FRYL: variants seen among roughly 807,000 people sequenced by gnomAD.
FRYL encodes the protein protein furry homolog-like.
FRYL carries 150 observed loss-of-function variants against 351.2 expected under a neutral mutation model. That is an observed-to-expected ratio of 0.43 (90% confidence interval 0.37 to 0.49). The LOEUF (loss-of-function observed/expected upper bound fraction) is 0.49. Among genes scored for constraint, FRYL ranks in the 20% least tolerant of loss-of-function variants. The pLI is 0.00. For synonymous variants in FRYL, 1,153 were observed against 1,257.1 expected (o/e 0.92, Z 1.75); for missense variants, 3,036 against 3,619.3 (o/e 0.84, Z 4.13).
chr4:48,538,726 T>C (rs1184472731), intron 47 of FRYL, among the ~76,000 whole-genome samples: 1 of 152,136 alleles, frequency 6.6e-6, no homozygotes, highest in Non-Finnish European at 1.5e-5. Flanking sequence ...TCCTTTTTTT[T>C]TTTCTCCTGG....
At chr4:48,676,634 G>A (rs1263846795) in intron 3 of FRYL, among the ~76,000 whole-genome samples, 4 of 150,762 alleles carry the variant, frequency 2.7e-5, no homozygotes, top group Non-Finnish European at 5.9e-5. Flanking sequence ...CTCGTGATCC[G>A]CCCGCCTCGG....
rs1744444793 is a variant in FRYL, at chr4:48,595,705, G to A, written c.1140-7C>T. ...CACTATGCTCATAAGACGACTACAG[G>A]GAAAAAGATCTAGTCATAGTGAGAT... On this transcript the variant is annotated splice_region_variant and splice_polypyrimidine_tract_variant and intron_variant, in intron 14 of 63. Coordinates refer to ENST00000358350, the MANE Select transcript of FRYL (RefSeq NM_015030.2). The A allele has an allele frequency of 6.3e-6, 10 of 1,580,590 alleles. No individual in the cohort carries two copies. The highest frequency in any genetic ancestry group is 8.7e-6 in the Non-Finnish European group (10 of 1,154,816).
intron 47 of FRYL, among the ~76,000 whole-genome samples, chr4:48,538,060 T>C (rs1426058829): frequency 2.0e-5 from 3 of 152,240 alleles, no homozygotes; most frequent in African/African-American, 4.8e-5. Flanking sequence ...TTAATAAATT[T>C]TGTATTACGA....
intron 1 of FRYL, among the ~76,000 whole-genome samples, chr4:48,740,589 C>A (rs1771942031): frequency 6.6e-6 from 1 of 152,054 alleles, no homozygotes; most frequent in African/African-American, 2.4e-5. Flanking sequence ...GCCACCATGC[C>A]CGGCCACAAC....
intron 1 of FRYL, among the ~76,000 whole-genome samples, chr4:48,731,598 G>C (rs2149627220): frequency 6.6e-6 from 1 of 152,188 alleles, no homozygotes; most frequent in Admixed American, 6.5e-5. Flanking sequence ...ATAGACCAAT[G>C]GAACAGAACA....
Position 48,662,765 on chromosome 4 carries a change from G to GAA in FRYL, c.-81+21906_-81+21907dup, listed in dbSNP as rs57746767. ...ACATAGCAAGATCTCATCTCCTGAA[G>GAA]AAAAAAAAAAAAAAAAAAAGCAGGA... On this transcript the variant is annotated intron_variant, in intron 3 of 63. Coordinates refer to ENST00000358350, the MANE Select transcript of FRYL (RefSeq NM_015030.2). 1.2e-4 allele frequency among the ~76,000 whole-genome samples: 16 copies of GAA among 131,600 alleles called. 3 individuals are homozygous for GAA. Among genetic ancestry groups the GAA allele is most frequent in the South Asian group, 2.4e-4 (1 of 4,192 alleles). The allele number at this position is 131,600 out of a possible 152,430, so 86.3% of individuals were successfully genotyped here.
chr4:48,724,784 G>C (rs1032799255), intron 1 of FRYL, among the ~76,000 whole-genome samples: 1 of 152,230 alleles, frequency 6.6e-6, no homozygotes, highest in African/African-American at 2.4e-5. Flanking sequence ...GCTGCCTTTA[G>C]AGGACTTTAG....
chr4:48,713,320 A>G (rs1768327702), intron 1 of FRYL, among the ~76,000 whole-genome samples: 1 of 152,186 alleles, frequency 6.6e-6, no homozygotes, highest in Admixed American at 6.5e-5. Context: ...AAAGACACTG[A>G]CTGGCAAATT....
At chr4:48,758,032 T>TA (rs1280130687) in intron 1 of FRYL, among the ~76,000 whole-genome samples, 32 of 152,294 alleles carry the variant, frequency 2.1e-4, no homozygotes, top group African/African-American at 7.2e-4. Context: ...TGGCTAACCA[T>TA]ATGTAGAAAG....
At chr4:48,707,952 C>T (rs2149586232) in intron 2 of FRYL, among the ~76,000 whole-genome samples, 1 of 151,818 alleles carries the variant, frequency 6.6e-6, no homozygotes, top group East Asian at 2.0e-4. Context: ...TCCCCAGTAG[C>T]TCGGACTATA....
At chr4:48,671,775 C>T (rs1424040794) in intron 3 of FRYL, among the ~76,000 whole-genome samples, 4 of 141,880 alleles carry the variant, frequency 2.8e-5, no homozygotes, top group Non-Finnish European at 4.5e-5. Context: ...ATCGCTTGAA[C>T]CTGGGAGGCA....
chr4:48,602,804 T>C (rs1745971997), intron 12 of FRYL, among the ~76,000 whole-genome samples: 1 of 152,168 alleles, frequency 6.6e-6, no homozygotes, highest in Non-Finnish European at 1.5e-5. Flanking sequence ...AGTGATCCCC[T>C]GAGGTTACAA....
chr4:48,653,588 A>G, intron 3 of FRYL: 1 of 508,242 alleles, frequency 2.0e-6, no homozygotes, highest in Non-Finnish European at 3.1e-6. Flanking sequence ...ATTCAAGAAA[A>G]TATTCTTCAT....
In FRYL at chr4:48,695,663, A is replaced by G. The variant is rs571368111; in HGVS notation, c.-203-10868T>C. Among the ~76,000 whole-genome samples, 52 of 152,308 alleles carry G rather than the reference A, an allele frequency of 3.4e-4. 1 individual carries two copies. The South Asian group carries it at 0.01, about 30-fold the overall frequency. ...AAATGCCAAAAGCAATTGCAACAAA[A>G]GCAAAAATTGACAAATGGGATCTAA... On this transcript the variant is annotated intron_variant, in intron 2 of 63. Transcript: ENST00000358350.
chr4:48,687,492 C>CGGGGGGGGG (rs561805370), intron 2 of FRYL, among the ~76,000 whole-genome samples: 43 of 46,564 alleles, frequency 9.2e-4, no homozygotes, highest in South Asian at 2.0e-3. Context: ...CAAATGAGGT[C>CGGGGGGGGG]GGGGGGGGGG....
chr4:48,610,691 A>G (rs1435029186), intron 7 of FRYL, among the ~76,000 whole-genome samples: 15 of 145,898 alleles, frequency 1.0e-4, no homozygotes, highest in Non-Finnish European at 2.1e-4. Context: ...TATATTATAT[A>G]CATATATTAT....
intron 1 of FRYL, among the ~76,000 whole-genome samples, chr4:48,730,510 A>C (rs1770602552): frequency 6.6e-6 from 1 of 152,218 alleles, no homozygotes; most frequent in African/African-American, 2.4e-5. Flanking sequence ...ACAAAAGGGA[A>C]GCCCATCAGA....
chr4:48,534,027 G>A (rs1728325440), intron 49 of FRYL, among the ~76,000 whole-genome samples: 1 of 152,166 alleles, frequency 6.6e-6, no homozygotes, highest in South Asian at 2.1e-4. Flanking sequence ...AGGAGTTCGA[G>A]ACCAGCCTGG....
At chr4:48,691,281 T>G (rs1224316709) in intron 2 of FRYL, among the ~76,000 whole-genome samples, 1 of 152,148 alleles carries the variant, frequency 6.6e-6, no homozygotes, top group Non-Finnish European at 1.5e-5. Flanking sequence ...GCAAAGACGT[T>G]CATTGTACTA....
Sources: gnomAD v4.1 joint callset for allele counts (sites outside exome capture counted in the v4.1 genomes callset) on GRCh38, gnomAD v4.1.1 for gene constraint, MANE v1.5 for transcripts, NCBI Gene and HGNC (gene_info 2026-07-23, HGNC 2026-07-21) for gene names.